Variants in SORCS3 observed in about 807,000 individuals in gnomAD.
SORCS3 encodes the protein VPS10 domain-containing receptor SorCS3.
A neutral mutation model predicts 146.3 loss-of-function variants in SORCS3; 57 were observed. The ratio of observed to expected loss-of-function variants is 0.39; its 90% CI spans 0.31 to 0.49. The LOEUF (loss-of-function observed/expected upper bound fraction) is 0.49, where lower values mean the gene tolerates loss of function less well. Ranked by LOEUF, SORCS3 falls within the 20% of genes least tolerant of loss-of-function variation. The pLI, the probability that SORCS3 is intolerant of heterozygous loss-of-function variation, is 0.92. For missense variants in SORCS3, 1,341 were observed against 1,575.5 expected (o/e 0.85, Z 2.52); for synonymous variants, 653 against 618.5 (o/e 1.06, Z -0.83).
intron 1 of SORCS3, among the ~76,000 whole-genome samples, chr10:104,807,448 T>A (rs952599556): frequency 2.0e-5 from 3 of 152,266 alleles, no homozygotes; most frequent in African/African-American, 7.2e-5. Context: ...CTTTAAGAGT[T>A]CTTAAAACCT....
At chr10:104,695,592 A>C (rs1417787787) in intron 1 of SORCS3, among the ~76,000 whole-genome samples, 3 of 151,916 alleles carry the variant, frequency 2.0e-5, no homozygotes, top group Non-Finnish European at 4.4e-5. Flanking sequence ...CACCCTCACA[A>C]GTTTAGTCCT....
At position 104,718,245 on chromosome 10, in the gene SORCS3, C is replaced by T. The variant is rs80336722; in HGVS notation, c.627+76291C>T. ...CTGAAAAGCTCAAGATCAAGGGGCC[C>T]CTACCTGGTGTAGGCCTTTTTGCTG... is the stretch of plus-strand genomic sequence containing the variant. On this transcript the variant is annotated intron_variant, in intron 1 of 26. Transcript: ENST00000369701. Among the ~76,000 whole-genome samples the T allele has an allele frequency of 5.3e-5, 8 of 152,158 alleles. No individual in the cohort carries two copies. In the East Asian group the frequency reaches 1.4e-3, roughly 26 times the overall value.
intron 2 of SORCS3, among the ~76,000 whole-genome samples, chr10:104,870,853 C>G (rs1253579786): frequency 6.6e-6 from 1 of 152,178 alleles, no homozygotes; most frequent in Non-Finnish European, 1.5e-5. Context: ...CCCAATGGAC[C>G]CACCTCTGAG....
At chr10:104,975,698 G>T (rs965859914) in intron 3 of SORCS3, among the ~76,000 whole-genome samples, 14 of 152,122 alleles carry the variant, frequency 9.2e-5, no homozygotes, top group Admixed American at 2.0e-4. Flanking sequence ...ACATGGTACT[G>T]GTACCAAAAC....
At chr10:104,925,344 C>T (rs868784259) in intron 3 of SORCS3, among the ~76,000 whole-genome samples, 1 of 152,142 alleles carries the variant, frequency 6.6e-6, no homozygotes, top group Non-Finnish European at 1.5e-5. Flanking sequence ...GGCATGTTGC[C>T]TTATGTTAGA....
At chr10:104,771,284 C>G (rs1451761109) in intron 1 of SORCS3, among the ~76,000 whole-genome samples, 1 of 152,176 alleles carries the variant, frequency 6.6e-6, no homozygotes, top group African/African-American at 2.4e-5. Context: ...GTCAGATGCT[C>G]TCTTTTCCAG....
At chr10:104,720,125 C>T (rs915176571) in intron 1 of SORCS3, among the ~76,000 whole-genome samples, 3 of 152,108 alleles carry the variant, frequency 2.0e-5, no homozygotes, top group African/African-American at 7.2e-5. Flanking sequence ...ATCCCTCCCC[C>T]TTCCCCCGAC....
intron 1 of SORCS3, among the ~76,000 whole-genome samples, chr10:104,766,111 G>T (rs1180575226): frequency 6.6e-6 from 1 of 152,214 alleles, no homozygotes; most frequent in East Asian, 1.9e-4. Flanking sequence ...ATTCAGCAGG[G>T]TTCCCCAAAT....
chr10:104,991,583 C>T (rs2054994762), intron 4 of SORCS3, among the ~76,000 whole-genome samples: 1 of 151,082 alleles, frequency 6.6e-6, no homozygotes, highest in Non-Finnish European at 1.5e-5. Context: ...CTCACTGCAA[C>T]CTCTGCCTCC....
At chr10:104,796,892 A>G (rs1275050648) in intron 1 of SORCS3, among the ~76,000 whole-genome samples, 1 of 152,208 alleles carries the variant, frequency 6.6e-6, no homozygotes, top group Non-Finnish European at 1.5e-5. Flanking sequence ...ACTATTTACT[A>G]TTCTTGTTGA....
At chr10:105,155,109 C>T (rs2056197235) in intron 9 of SORCS3, among the ~76,000 whole-genome samples, 1 of 152,158 alleles carries the variant, frequency 6.6e-6, no homozygotes, top group African/African-American at 2.4e-5. Context: ...GTCCCCATTC[C>T]CCTGGTTTTG....
At chr10:105,231,698 A>G (rs184906159) in intron 20 of SORCS3, among the ~76,000 whole-genome samples, 73 of 152,188 alleles carry the variant, frequency 4.8e-4, no homozygotes, top group Admixed American at 4.2e-3. Flanking sequence ...CCTCTATTCT[A>G]AGTTTACTGA....
At chr10:105,121,663 C>T (rs2055934211) in intron 7 of SORCS3, among the ~76,000 whole-genome samples, 1 of 152,168 alleles carries the variant, frequency 6.6e-6, no homozygotes. Context: ...TTCTCAGGAT[C>T]TGTTTCAATT....
intron 2 of SORCS3, among the ~76,000 whole-genome samples, chr10:104,871,749 C>T (rs976091160): frequency 2.0e-5 from 3 of 152,092 alleles, no homozygotes; most frequent in Non-Finnish European, 1.5e-5. Flanking sequence ...TACACGTGCC[C>T]CTGAGACACA....
At chr10:105,170,478 C>G (rs1249023888) in intron 13 of SORCS3, among the ~76,000 whole-genome samples, 1 of 151,938 alleles carries the variant, frequency 6.6e-6, no homozygotes, top group Non-Finnish European at 1.5e-5. Context: ...ATAATATCAC[C>G]CTCCATTTGT....
At chr10:104,719,571 C>G (rs1268705413) in intron 1 of SORCS3, among the ~76,000 whole-genome samples, 1 of 152,140 alleles carries the variant, frequency 6.6e-6, no homozygotes, top group Non-Finnish European at 1.5e-5. Context: ...TAAATTGCTT[C>G]GCTTCTCTGC....
At position 104,719,357 on chromosome 10, in the gene SORCS3, A is replaced by G. The variant is rs77436786; in HGVS notation, c.627+77403A>G. Reference sequence around the variant, plus strand: ...GTGTGTGCTGCATGTGGCTTTGGTTAATGGTTGCAGGGGTATAGGTTTGTC... The same window carrying G: ...GTGTGTGCTGCATGTGGCTTTGGTTGATGGTTGCAGGGGTATAGGTTTGTC... On this transcript the variant is annotated intron_variant, in intron 1 of 26. Coordinates refer to ENST00000369701, the MANE Select transcript of SORCS3 (RefSeq NM_014978.3). Among the ~76,000 whole-genome samples the G allele has an allele frequency of 9.5e-3, 1,449 of 152,230 alleles. 19 individuals carry two copies. Among genetic ancestry groups the G allele is most frequent in the African/African-American group, 0.033 (1,372 of 41,516 alleles).
At chr10:104,808,600 T>A (rs535922122) in intron 1 of SORCS3, among the ~76,000 whole-genome samples, 2 of 152,238 alleles carry the variant, frequency 1.3e-5, no homozygotes, top group South Asian at 4.2e-4. Context: ...AATGAGGCAT[T>A]GAGTAAAGGC....
At chr10:105,121,510 T>C (rs557366534) in intron 7 of SORCS3, among the ~76,000 whole-genome samples, 3 of 152,166 alleles carry the variant, frequency 2.0e-5, no homozygotes, top group Admixed American at 2.0e-4. Flanking sequence ...TCATTTCGTT[T>C]TTCTCTGCAT....
Sources: gnomAD v4.1 joint callset for allele counts (sites outside exome capture counted in the v4.1 genomes callset) on GRCh38, gnomAD v4.1.1 for gene constraint, MANE v1.5 for transcripts, NCBI Gene and HGNC (gene_info 2026-07-23, HGNC 2026-07-21) for gene names.